Variants in WNK1 observed in about 807,000 individuals in gnomAD.
WNK1 encodes WNK lysine deficient protein kinase 1.
WNK1 carries 38 observed loss-of-function variants against 222.8 expected under a neutral mutation model. The ratio of observed to expected loss-of-function variants is 0.17; its 90% confidence interval spans 0.13 to 0.22. The LOEUF (loss-of-function observed/expected upper bound fraction) is 0.22. WNK1 is among the 10% of genes least tolerant of loss of function. The probability of loss-of-function intolerance (pLI) is 1.00; values close to 1 mark genes in which losing one functional copy is unlikely to be tolerated. For synonymous variants in WNK1, 1,090 were observed against 1,092.9 expected (o/e 1.00, Z 0.05); for missense variants, 2,348 against 2,918.4 (o/e 0.80, Z 4.50).
intron 1 of WNK1, among the ~76,000 whole-genome samples, chr12:807,962 G>A (rs1412021692): frequency 6.6e-6 from 1 of 151,770 alleles, no homozygotes; most frequent in Admixed American, 6.6e-5. Flanking sequence ...CTCGTGATCC[G>A]CCCGCCTCGG....
At chr12:758,456 C>T (rs978419570) in intron 1 of WNK1, among the ~76,000 whole-genome samples, 23 of 116,406 alleles carry the variant, frequency 2.0e-4, no homozygotes, top group Non-Finnish European at 2.7e-4. Flanking sequence ...GGCGCAATCT[C>T]GGCTCACTGC....
intron 1 of WNK1, among the ~76,000 whole-genome samples, chr12:757,486 C>G (rs1376939565): frequency 6.6e-6 from 1 of 151,852 alleles, no homozygotes; most frequent in Non-Finnish European, 1.5e-5. Context: ...CCACCACACC[C>G]AGCTAATTAC....
intron 1 of WNK1, among the ~76,000 whole-genome samples, chr12:811,095 C>T (rs1307423889): frequency 6.6e-6 from 1 of 152,126 alleles, no homozygotes; most frequent in Non-Finnish European, 1.5e-5. Flanking sequence ...CAGGAATATC[C>T]AGCTCCATAA....
rs111327474 is a variant in WNK1 at position 859,631 on chromosome 12, T to TGTGTGTGTGTG, written c.1620+169_1620+170insGTGTGTGTGGT. The stretch of plus-strand genomic sequence containing the variant: ...GATTAGTGGGATTTTCGTGTGTGTG[T>TGTGTGTGTGTG]GTTTTTTTTTTTTTTAAACTTCTTT... On this transcript the variant is annotated intron_variant, in intron 6 of 27. Coordinates refer to ENST00000315939, the MANE Select transcript of WNK1 (RefSeq NM_018979.4). 0.21 allele frequency among the ~76,000 whole-genome samples: 17,055 copies of TGTGTGTGTGTG among 80,812 alleles called. 1,396 individuals carry two copies. The highest frequency in any genetic ancestry group is 0.29 in the Middle Eastern group (56 of 196). 53.0% of individuals were successfully genotyped at this position (80,812 alleles called of 152,430 possible).
intron 8 of WNK1, chr12:868,114 A>G: frequency 1.2e-6 from 2 of 1,614,052 alleles, no homozygotes; most frequent in African/African-American, 2.7e-5. Context: ...ACTGGACACC[A>G]GAGGCCGTAG....
At chr12:773,069 A>ACC (rs994605514) in intron 1 of WNK1, among the ~76,000 whole-genome samples, 2 of 152,004 alleles carry the variant, frequency 1.3e-5, no homozygotes, top group African/African-American at 4.8e-5. Flanking sequence ...GACCAGCCTG[A>ACC]CCAACATGGA....
Position 861,118 on chromosome 12 carries a change from C to T in WNK1, c.1726C>T (p.Arg576Trp), listed in dbSNP as rs756361196. The change falls in exon 7 of 28, where the codon CGG (arginine) becomes TGG (tryptophan). Residue 576 changes from arginine (R) to tryptophan (W), a missense_variant. Around this residue, in one of 13 missense-constraint regions of WNK1, gnomAD observed 103 missense variants for 111.5 expected, o/e 0.92. Coordinates refer to ENST00000315939, the MANE Select transcript of WNK1 (RefSeq NM_018979.4). ...GAAACGAGAGCAGCGGCAGTTGGTA[C>T]GGGAGGAGCAAGAAAAAAAAAAGCA... is the stretch of plus-strand genomic sequence containing the variant. ...KRKREQRQLV[R>W]EEQEKKKQEE... 20 of 1,612,842 alleles carry T rather than the reference C, an allele frequency of 1.2e-5. No individual in the cohort carries two copies. The highest frequency in any genetic ancestry group is 5.0e-5 in the Admixed American group (3 of 59,896).
Position 899,779 on chromosome 12 carries a change from G to A in WNK1, c.6449-697G>A, listed in dbSNP as rs146474166. On this transcript the variant is annotated intron_variant, in intron 25 of 27. Transcript: ENST00000315939. Reference sequence around the variant, plus strand: ...ACACCTCTTTTGTATTTGCTCTGATGCACGTTTATAGGAAAGTCTAAGCAG... The same window carrying A: ...ACACCTCTTTTGTATTTGCTCTGATACACGTTTATAGGAAAGTCTAAGCAG... Among the ~76,000 whole-genome samples the A allele has an allele frequency of 2.3e-4, 35 of 152,128 alleles. No individual in the cohort carries two copies. The East Asian group carries it at 6.8e-3, about 29-fold the overall frequency.
intron 4 of WNK1, among the ~76,000 whole-genome samples, chr12:853,140 A>T (rs1244387072): frequency 6.6e-6 from 1 of 152,116 alleles, no homozygotes; most frequent in Non-Finnish European, 1.5e-5. Context: ...TACATTTTTT[A>T]AGGCAGTAGT....
At position 871,313 on chromosome 12, in the gene WNK1, G is replaced by T; in HGVS notation, c.2188G>T (p.Val730Phe). The T allele has an allele frequency of 2.5e-6, 4 of 1,614,108 alleles. No individual in the cohort carries two copies. Among genetic ancestry groups the T allele is most frequent in the Non-Finnish European group, 1.7e-6 (2 of 1,180,028 alleles). Reference sequence around the variant, plus strand: ...GCCATCCTCAAGTAGCTTAACAGGGGTTTCATCTTCCCAACCCATACAACA... The same window carrying T: ...GCCATCCTCAAGTAGCTTAACAGGGTTTTCATCTTCCCAACCCATACAACA... Reference protein sequence around the residue: ...GQPSSSSLTGVSSSQPIQHPQ... With the variant: ...GQPSSSSLTGFSSSQPIQHPQ... Residue 730 changes from valine to phenylalanine, a missense_variant, in exon 9 of 28, where the codon GTT becomes TTT. Around this residue, in one of 13 missense-constraint regions of WNK1, gnomAD observed 547 missense variants for 558.3 expected, o/e 0.98. Coordinates refer to ENST00000315939, the MANE Select transcript of WNK1 (RefSeq NM_018979.4).
At position 787,897 on chromosome 12, in the gene WNK1, A is replaced by C. The variant is rs900809956; in HGVS notation, c.760-25745A>C. ...TGGTATCAGGTTTCTCCAAGGCAACAAAACCATTAGGAGATTTTGTATATA... is the reference window on the plus strand; with the variant it reads ...TGGTATCAGGTTTCTCCAAGGCAACCAAACCATTAGGAGATTTTGTATATA... On this transcript the variant is annotated intron_variant, in intron 1 of 27. Transcript: ENST00000315939. Among the ~76,000 whole-genome samples, 5 of 152,228 alleles carry C rather than the reference A, an allele frequency of 3.3e-5. No individual in the cohort carries two copies. In the East Asian group the frequency reaches 9.6e-4, roughly 29 times the overall value.
chr12:825,147 T>C lies in WNK1; in HGVS notation c.933-1895T>C, dbSNP rs1025360716. 9.2e-5 allele frequency among the ~76,000 whole-genome samples: 14 copies of C among 152,198 alleles called. 1 individual carries two copies. Among genetic ancestry groups the C allele is most frequent in the Admixed American group, 7.2e-4 (11 of 15,282 alleles). On this transcript the variant is annotated intron_variant, in intron 2 of 27. Coordinates refer to ENST00000315939, the MANE Select transcript of WNK1 (RefSeq NM_018979.4). ...ACCAAAACTCTCAAGATAGAGAACA[T>C]TTCCATCATATCGGAAAATGCCCTT... is the stretch of plus-strand genomic sequence containing the variant.
intron 16 of WNK1, 89 bp downstream of exon 16, chr12:883,657 A>C (rs1441716562): frequency 6.3e-7 from 1 of 1,598,862 alleles, no homozygotes; most frequent in Non-Finnish European, 8.6e-7. Context: ...CAGTGATATC[A>C]CCTGACACCC....
intron 1 of WNK1, among the ~76,000 whole-genome samples, chr12:809,562 T>C (rs1946721861): frequency 6.6e-6 from 1 of 152,180 alleles, no homozygotes; most frequent in African/African-American, 2.4e-5. Flanking sequence ...GAAAGCCATG[T>C]TAGTCTTTTT....
At chr12:855,074 G>A (rs1414933907) in intron 4 of WNK1, among the ~76,000 whole-genome samples, 1 of 152,198 alleles carries the variant, frequency 6.6e-6, no homozygotes, top group Non-Finnish European at 1.5e-5. Context: ...TTTTTAGTGT[G>A]TGGCATTCAT....
intron 4 of WNK1, among the ~76,000 whole-genome samples, chr12:840,748 A>G (rs1366904403): frequency 6.6e-6 from 1 of 152,216 alleles, no homozygotes; most frequent in Non-Finnish European, 1.5e-5. Context: ...TCCTGTAAGA[A>G]ATTACTGATC....
At chr12:890,934 G>A (rs1954165590) in intron 22 of WNK1, among the ~76,000 whole-genome samples, 1 of 152,020 alleles carries the variant, frequency 6.6e-6, no homozygotes, top group Admixed American at 6.6e-5. Context: ...TTATTTTCAA[G>A]GCAATTATAT....
intron 1 of WNK1, among the ~76,000 whole-genome samples, chr12:771,293 G>A (rs1395100396): frequency 1.3e-5 from 2 of 151,550 alleles, no homozygotes; most frequent in Admixed American, 1.3e-4. Context: ...TACTATGCCC[G>A]GCGCTTTATA....
rs1305646710 is a variant in WNK1 at position 911,028 on chromosome 12, TTTG to T, written c.*2239_*2241del. On this transcript the variant is annotated 3_prime_UTR_variant, in exon 28 of 28. Coordinates refer to ENST00000315939, the MANE Select transcript of WNK1 (RefSeq NM_018979.4). ...TGGAGCCTCATGCAGCACATTATCATTTGTTATTTGGGTTTAATAATAATTTTG... is the reference window on the plus strand; with the variant it reads ...TGGAGCCTCATGCAGCACATTATCATTTATTTGGGTTTAATAATAATTTTG... 2.2e-5 allele frequency: 7 copies of T among 322,704 alleles called. No individual in the cohort carries two copies. Among genetic ancestry groups the T allele is most frequent in the Non-Finnish European group, 3.3e-5 (6 of 180,170 alleles). 20.0% of individuals were successfully genotyped at this position (322,704 alleles called of 1,614,324 possible). A position where few individuals can be genotyped will look rare whatever the true frequency, so the allele number is the denominator to read the frequency against.
Sources: gnomAD v4.1 joint callset for allele counts (sites outside exome capture counted in the v4.1 genomes callset) on GRCh38, gnomAD v4.1.1 for gene constraint, gnomAD v4.1.1 regional missense constraint, MANE v1.5 for transcripts, NCBI Gene and HGNC (gene_info 2026-07-23, HGNC 2026-07-21) for gene names.